Variants in PPP3CA observed in about 807,000 individuals in gnomAD.
The protein encoded by PPP3CA is protein phosphatase 3 catalytic subunit alpha.
In PPP3CA, 14 loss-of-function variants were observed where a neutral mutation model predicts 66.5. That is an observed-to-expected ratio of 0.21 (90% CI 0.14 to 0.33). The LOEUF (loss-of-function observed/expected upper bound fraction) is 0.33. PPP3CA is among the 10% of genes least tolerant of loss of function. The pLI is 1.00. For synonymous variants in PPP3CA, 232 were observed against 226.2 expected, an observed-to-expected ratio of 1.03 and a Z score of -0.23; for missense variants, 317 against 639.5, an observed-to-expected ratio of 0.50 and a Z score of 5.44.
intron 2 of PPP3CA, among the ~76,000 whole-genome samples, chr4:101,120,452 C>T (rs961476574): frequency 6.6e-6 from 1 of 151,988 alleles, no homozygotes; most frequent in Non-Finnish European, 1.5e-5. Context: ...GGGTTTAGGC[C>T]TTAGGTCTCC....
chr4:101,262,806 C>T (rs1727049573), intron 1 of PPP3CA, among the ~76,000 whole-genome samples: 1 of 152,154 alleles, frequency 6.6e-6, no homozygotes, highest in African/African-American at 2.4e-5. Flanking sequence ...ACCTGACCAC[C>T]TTACTCCCAT....
At chr4:101,065,538 G>A (rs1404681267) in intron 8 of PPP3CA, among the ~76,000 whole-genome samples, 1 of 152,044 alleles carries the variant, frequency 6.6e-6, no homozygotes, top group East Asian at 1.9e-4. Flanking sequence ...AGGTGTGACT[G>A]CCCTTATGTT....
At chr4:101,262,199 T>G (rs1727031079) in intron 1 of PPP3CA, among the ~76,000 whole-genome samples, 2 of 152,004 alleles carry the variant, frequency 1.3e-5, no homozygotes, top group Admixed American at 1.3e-4. Context: ...ACTCTGCAAA[T>G]AGGCAGTCAA....
chr4:101,139,450 A>C (rs1408479578), intron 2 of PPP3CA, among the ~76,000 whole-genome samples: 1 of 152,108 alleles, frequency 6.6e-6, no homozygotes, highest in African/African-American at 2.4e-5. Context: ...TGTTCATACA[A>C]ATTTATGCAG....
chr4:101,027,470 G>A (rs1726712562), intron 13 of PPP3CA, among the ~76,000 whole-genome samples: 1 of 152,132 alleles, frequency 6.6e-6, no homozygotes, highest in African/African-American at 2.4e-5. Flanking sequence ...AGAGGAATAA[G>A]ATGCGAAAAT....
chr4:101,317,699 G>C (rs982771394), intron 1 of PPP3CA, among the ~76,000 whole-genome samples: 1 of 152,070 alleles, frequency 6.6e-6, no homozygotes, highest in Non-Finnish European at 1.5e-5. Flanking sequence ...TAATAAACTG[G>C]ACTTTTGTGG....
chr4:101,194,110 G>A (rs1186857291), intron 2 of PPP3CA, among the ~76,000 whole-genome samples: 1 of 151,998 alleles, frequency 6.6e-6, no homozygotes, highest in African/African-American at 2.4e-5. Context: ...CTCACCACTG[G>A]TCCAATATTG....
At chr4:101,031,174 A>T (rs1433879645) in intron 12 of PPP3CA, among the ~76,000 whole-genome samples, 4 of 152,150 alleles carry the variant, frequency 2.6e-5, no homozygotes, top group Non-Finnish European at 5.9e-5. Context: ...TATATTCATG[A>T]AGTTGATCAT....
chr4:101,301,146 A>G lies in PPP3CA; in HGVS notation c.58+45593T>C, dbSNP rs191460371. 8.1e-4 allele frequency among the ~76,000 whole-genome samples: 123 copies of G among 152,134 alleles called. No individual in the cohort carries two copies. The East Asian group carries it at 0.021, about 26-fold the overall frequency. On this transcript the variant is annotated intron_variant, in intron 1 of 13. Transcript: ENST00000394854. ...CATTTACAAATTTACATAAATGCAT[A>G]TATTTGTATATAAAATGACTCATTT...
chr4:101,185,711 T>A (rs901786905), intron 2 of PPP3CA, among the ~76,000 whole-genome samples: 2 of 152,190 alleles, frequency 1.3e-5, no homozygotes, highest in Non-Finnish European at 2.9e-5. Flanking sequence ...AGTATTTTAA[T>A]CAATGGTTTA....
intron 1 of PPP3CA, among the ~76,000 whole-genome samples, chr4:101,221,312 A>G (rs888971123): frequency 6.6e-6 from 1 of 151,644 alleles, no homozygotes; most frequent in Non-Finnish European, 1.5e-5. Context: ...TTGCCTCTGT[A>G]GTGCTATGTA....
intron 1 of PPP3CA, among the ~76,000 whole-genome samples, chr4:101,244,012 T>A (rs1726396675): frequency 6.6e-6 from 1 of 152,204 alleles, no homozygotes; most frequent in Admixed American, 6.5e-5. Flanking sequence ...CCACAAATGT[T>A]CTACCTCATG....
chr4:101,317,869 G>A (rs1001948064), intron 1 of PPP3CA, among the ~76,000 whole-genome samples: 5 of 152,144 alleles, frequency 3.3e-5, no homozygotes, highest in Admixed American at 6.5e-5. Flanking sequence ...GGCAAGCTGC[G>A]CACTGTGACT....
intron 2 of PPP3CA, among the ~76,000 whole-genome samples, chr4:101,125,054 C>G (rs1436121761): frequency 6.6e-6 from 1 of 152,266 alleles, no homozygotes; most frequent in Admixed American, 6.5e-5. Context: ...AATAGAGATT[C>G]AATTCATCAA....
intron 2 of PPP3CA, among the ~76,000 whole-genome samples, chr4:101,140,058 A>G (rs935102034): frequency 1.3e-5 from 2 of 152,154 alleles, no homozygotes; most frequent in Non-Finnish European, 2.9e-5. Flanking sequence ...ATATTTTACT[A>G]GAATAGTATT....
chr4:101,290,621 G>A (rs575985889), intron 1 of PPP3CA, among the ~76,000 whole-genome samples: 1 of 152,240 alleles, frequency 6.6e-6, no homozygotes, highest in Non-Finnish European at 1.5e-5. Context: ...ATACACCCTC[G>A]TGAAGCTTAC....
chr4:101,040,395 T>G (rs1727460849), intron 11 of PPP3CA, 87 bp downstream of exon 11: 3 of 923,986 alleles, frequency 3.2e-6, no homozygotes, highest in Non-Finnish European at 4.5e-6. Context: ...TAGTAAAATA[T>G]TTAAATTACC....
chr4:101,162,552 TAAATAAATAAATAAATAAAG>T (rs954435614), intron 2 of PPP3CA, among the ~76,000 whole-genome samples: 3 of 139,906 alleles, frequency 2.1e-5, no homozygotes, highest in African/African-American at 8.8e-5. Flanking sequence ...AATAAATAAA[TAAATAAATAAATAAATAAAG>T]GGAAATGTAT....
At chr4:101,329,511 G>A (rs188775695) in intron 1 of PPP3CA, among the ~76,000 whole-genome samples, 6 of 152,196 alleles carry the variant, frequency 3.9e-5, no homozygotes, top group African/African-American at 1.2e-4. Flanking sequence ...TAATGAAGGC[G>A]GCTACACTCA....
Sources: gnomAD v4.1 joint callset for allele counts (sites outside exome capture counted in the v4.1 genomes callset) on GRCh38, gnomAD v4.1.1 for gene constraint, MANE v1.5 for transcripts, NCBI Gene and HGNC (gene_info 2026-07-23, HGNC 2026-07-21) for gene names.